PSMD1: variants seen among roughly 807,000 people sequenced by gnomAD.
The protein encoded by PSMD1 is 26S proteasome non-ATPase regulatory subunit 1.
PSMD1 carries 18 observed loss-of-function variants against 119.0 expected under a neutral mutation model. The observed-to-expected ratio is 0.15, with a 90% CI of 0.10 to 0.22. The LOEUF is 0.22. Ranked by LOEUF, PSMD1 falls within the 10% of genes least tolerant of loss-of-function variation. The pLI, the probability that PSMD1 is intolerant of heterozygous loss-of-function variation, is 1.00. For synonymous variants in PSMD1, 374 were observed against 396.6 expected (o/e 0.94, Z 0.68); for missense variants, 702 against 1,158.5 (o/e 0.61, Z 5.72).
At chr2:231,154,635 T>C (rs1008169869) in intron 19 of PSMD1, among the ~76,000 whole-genome samples, 2 of 152,174 alleles carry the variant, frequency 1.3e-5, no homozygotes, top group Admixed American at 6.5e-5. Flanking sequence ...ACCCAACTAA[T>C]TGTTTAAACT....
chr2:231,083,094 A>T (rs1415316679), intron 13 of PSMD1, 100 bp downstream of exon 13: 1 of 907,830 alleles, frequency 1.1e-6, no homozygotes, highest in African/African-American at 1.7e-5. Flanking sequence ...TAAAATTCCG[A>T]TGGATTTCTC....
chr2:231,146,350 T>C lies in PSMD1; in HGVS notation c.2109T>C (p.Cys703=). 1 of 1,609,040 alleles carries C rather than the reference T, an allele frequency of 6.2e-7. No individual in the cohort carries two copies. The highest frequency in any genetic ancestry group is 8.5e-7 in the Non-Finnish European group (1 of 1,175,758). ...TGATCCAGCAGACTGAAATCACTTG[T>C]CCAAAGGTGAGCAAACAAAGAAATT... ...LIMIQQTEIT[C]PKVNQFRQLY... The change falls in exon 18 of 25, where the codon TGT becomes TGC. Residue 703 remains cysteine, a synonymous_variant. Coordinates refer to ENST00000308696, the MANE Select transcript of PSMD1 (RefSeq NM_002807.4).
At chr2:231,111,149 T>TG (rs2125208845) in intron 16 of PSMD1, among the ~76,000 whole-genome samples, 1 of 152,376 alleles carries the variant, frequency 6.6e-6, no homozygotes, top group South Asian at 2.1e-4. Context: ...ATCCCATTCG[T>TG]GACCCTTCTA....
At chr2:231,090,644 T>C (rs912202837) in intron 16 of PSMD1, among the ~76,000 whole-genome samples, 8 of 152,192 alleles carry the variant, frequency 5.3e-5, no homozygotes, top group African/African-American at 1.7e-4. Context: ...TTGAATACCT[T>C]CTGGAAAGCA....
intron 16 of PSMD1, among the ~76,000 whole-genome samples, chr2:231,089,377 A>G (rs2161891): frequency 0.46 from 69,937 of 151,978 alleles, 18,172 homozygotes; most frequent in African/African-American, 0.7. Flanking sequence ...GGAGAAGTCA[A>G]TTCCTGGTTT....
At chr2:231,065,276 G>GT (rs974932639) in intron 4 of PSMD1, among the ~76,000 whole-genome samples, 65 of 148,256 alleles carry the variant, frequency 4.4e-4, no homozygotes, top group Non-Finnish European at 8.3e-4. Flanking sequence ...TTGTTTTTTT[G>GT]TTTTTTTTGT....
intron 19 of PSMD1, among the ~76,000 whole-genome samples, chr2:231,154,845 CAT>C (rs1366684984): frequency 3.9e-5 from 6 of 152,084 alleles, no homozygotes; most frequent in Admixed American, 1.3e-4. Flanking sequence ...TTGAGGAAAA[CAT>C]ATTTTAAATA....
rs774060057 is a variant in PSMD1 at position 231,075,570 on chromosome 2, C to G, written c.941C>G (p.Ala314Gly). Residue 314 changes from alanine (A) to glycine (G), a missense_variant and splice_region_variant, in exon 8 of 25, where the codon GCC becomes GGC. Ala to Gly is a moderately conservative substitution (Grantham distance 60). Coordinates refer to ENST00000308696, the MANE Select transcript of PSMD1 (RefSeq NM_002807.4). ...SSAFVGKTPE[A>G]SPEPKDQTLK... ...GCATTTGTAGGAAAGACACCAGAAGCCGTGAGTGTGCTTTTTTTTTTTCCT... is the reference window on the plus strand; with the variant it reads ...GCATTTGTAGGAAAGACACCAGAAGGCGTGAGTGTGCTTTTTTTTTTTCCT... The G allele has an allele frequency of 1.3e-5, 21 of 1,606,120 alleles. No individual in the cohort carries two copies. Among genetic ancestry groups the G allele is most frequent in the Non-Finnish European group, 1.8e-5 (21 of 1,177,296 alleles).
chr2:231,092,574 C>T (rs976519637), intron 16 of PSMD1, among the ~76,000 whole-genome samples: 3 of 152,184 alleles, frequency 2.0e-5, no homozygotes, highest in Non-Finnish European at 4.4e-5. Flanking sequence ...TCCCGTCCCT[C>T]CATCGGCCCA....
chr2:231,103,476 A>T (rs1391443002), intron 16 of PSMD1, among the ~76,000 whole-genome samples: 1 of 152,198 alleles, frequency 6.6e-6, no homozygotes. Flanking sequence ...GCCTCTTCTG[A>T]GATCTGGCAA....
intron 16 of PSMD1, among the ~76,000 whole-genome samples, chr2:231,126,225 C>T (rs1695715172): frequency 6.6e-6 from 1 of 151,954 alleles, no homozygotes; most frequent in Non-Finnish European, 1.5e-5. Context: ...ATGGCAAAAC[C>T]CCATCTCTAC....
chr2:231,062,768 A>G (rs889379615), intron 4 of PSMD1, 93 bp downstream of exon 4: 2 of 1,093,212 alleles, frequency 1.8e-6, no homozygotes, highest in Non-Finnish European at 2.5e-6. Context: ...TGATGTTGCC[A>G]AATTTCATTT....
At chr2:231,135,958 A>G (rs1030724597) in intron 16 of PSMD1, among the ~76,000 whole-genome samples, 1 of 152,176 alleles carries the variant, frequency 6.6e-6, no homozygotes, top group South Asian at 2.1e-4. Context: ...TACAGTTTTC[A>G]TAAACTTCGT....
chr2:231,070,874 C>G (rs1243904014), intron 6 of PSMD1, among the ~76,000 whole-genome samples: 2 of 152,020 alleles, frequency 1.3e-5, no homozygotes, highest in Admixed American at 1.3e-4. Flanking sequence ...CATTTTATTG[C>G]ACATTTTATT....
At chr2:231,066,805 T>G (rs1693919404) in intron 4 of PSMD1, 101 bp from the exon 5 acceptor site, 2 of 967,580 alleles carry the variant, frequency 2.1e-6, no homozygotes, top group East Asian at 5.4e-5. Flanking sequence ...TATTGCTTTA[T>G]AGTCATCCCA....
intron 16 of PSMD1, among the ~76,000 whole-genome samples, chr2:231,121,670 A>G (rs944779165): frequency 6.6e-6 from 1 of 152,162 alleles, no homozygotes; most frequent in African/African-American, 2.4e-5. Context: ...CTTTAATTCT[A>G]TGGTACTTTG....
intron 10 of PSMD1, 119 bp downstream of exon 10, chr2:231,078,866 C>CA: frequency 3.3e-6 from 2 of 610,224 alleles, no homozygotes; most frequent in African/African-American, 2.2e-5. Flanking sequence ...GCGATCTCGG[C>CA]TCACTGCAAC....
chr2:231,085,238 C>T (rs1044294727), intron 15 of PSMD1, 124 bp downstream of exon 15: 2 of 763,574 alleles, frequency 2.6e-6, no homozygotes, highest in African/African-American at 1.7e-5. Context: ...GGTTGTGATT[C>T]TCATTTACTG....
At position 231,056,947 on chromosome 2, in the gene PSMD1, C is replaced by G. The variant is rs974078299; in HGVS notation, c.-79C>G. The stretch of plus-strand genomic sequence containing the variant: ...CCGGGGAGCAAGGAGGCGCGGTGAA[C>G]TGAGCGGCCCCTGAGCTGACAGATA... On this transcript the variant is annotated 5_prime_UTR_variant, in exon 1 of 25. Transcript: ENST00000308696. 1.2e-5 allele frequency: 19 copies of G among 1,528,390 alleles called. No homozygotes were observed. In the East Asian group the frequency reaches 4.3e-4, roughly 35 times the overall value. 94.7% of individuals were successfully genotyped at this position (1,528,390 alleles called of 1,614,324 possible). A position where few individuals can be genotyped will look rare whatever the true frequency, so the allele number is the denominator to read the frequency against.
Sources: gnomAD v4.1 joint callset for allele counts (sites outside exome capture counted in the v4.1 genomes callset) on GRCh38, gnomAD v4.1.1 for gene constraint, MANE v1.5 for transcripts, NCBI Gene and HGNC (gene_info 2026-07-23, HGNC 2026-07-21) for gene names.